DAPL1: variants seen among roughly 807,000 people sequenced by gnomAD.
DAPL1 encodes the protein death-associated protein-like 1.
A neutral mutation model predicts 12.9 loss-of-function variants in DAPL1; 17 were observed. The observed-to-expected ratio is 1.32, with a 90% confidence interval of 0.90 to 1.98. The LOEUF (loss-of-function observed/expected upper bound fraction) is 1.98. DAPL1 is among the 30% of genes most tolerant of loss of function. DAPL1 has a pLI of 0.00. For missense variants in DAPL1, 157 were observed against 125.7 expected, an observed-to-expected ratio of 1.25 and a Z score of -1.19; for synonymous variants, 51 against 42.0, an observed-to-expected ratio of 1.21 and a Z score of -0.82.
intron 3 of DAPL1, among the ~76,000 whole-genome samples, chr2:158,815,441 T>G (rs772867019): frequency 6.6e-6 from 1 of 152,238 alleles, no homozygotes; most frequent in Non-Finnish European, 1.5e-5. Context: ...AGAGAACTGA[T>G]GCAGACATAA....
At chr2:158,801,724 G>A (rs1378205302) in intron 1 of DAPL1, among the ~76,000 whole-genome samples, 2 of 152,102 alleles carry the variant, frequency 1.3e-5, no homozygotes, top group East Asian at 3.9e-4. Flanking sequence ...TGGTTGAATA[G>A]TAAAACAACA....
At chr2:158,807,138 A>G in intron 3 of DAPL1, 23 bp downstream of exon 3, 8 of 1,589,144 alleles carry the variant, frequency 5.0e-6, no homozygotes, top group Non-Finnish European at 6.0e-6. Context: ...CAAATCACAT[A>G]GCGCTCCAAG....
At chr2:158,797,275 T>C (rs1429521995) in intron 1 of DAPL1, among the ~76,000 whole-genome samples, 1 of 152,138 alleles carries the variant, frequency 6.6e-6, no homozygotes, top group Non-Finnish European at 1.5e-5. Flanking sequence ...TCTAGTAAGT[T>C]TGTTGTAATG....
At position 158,804,226 on chromosome 2, in the gene DAPL1, A is replaced by G. The variant is rs558527865; in HGVS notation, c.59-56A>G. 23 of 1,224,192 alleles carry G rather than the reference A, an allele frequency of 1.9e-5. No homozygotes were observed. The South Asian group carries it at 3.1e-4, about 17-fold the overall frequency. The allele number at this position is 1,224,192 out of a possible 1,614,324, so 75.8% of individuals were successfully genotyped here. On this transcript the variant is annotated intron_variant, in intron 1 of 3. Transcript: ENST00000309950. ...AATCTAAAGTCATACCTTTAATAAC[A>G]AAGCAAGCCTTCTCTCACTGTTCTA... is the stretch of plus-strand genomic sequence containing the variant.
intron 2 of DAPL1, 43 bp downstream of exon 2, chr2:158,804,412 A>C: frequency 7.1e-7 from 1 of 1,410,362 alleles, no homozygotes; most frequent in Non-Finnish European, 9.9e-7. Context: ...AGGAGTTTTG[A>C]GTGACTCTGC....
chr2:158,813,017 GTA>G (rs34371228), intron 3 of DAPL1, among the ~76,000 whole-genome samples: 1 of 151,272 alleles, frequency 6.6e-6, no homozygotes, highest in African/African-American at 2.4e-5. Context: ...AAAAAACGTG[GTA>G]TATATATATA....
chr2:158,809,141 A>G (rs2059217176), intron 3 of DAPL1, among the ~76,000 whole-genome samples: 1 of 151,968 alleles, frequency 6.6e-6, no homozygotes, highest in Non-Finnish European at 1.5e-5. Flanking sequence ...TGGGCGGATC[A>G]CAAGTCAGGA....
intron 3 of DAPL1, among the ~76,000 whole-genome samples, chr2:158,808,775 A>C (rs1443666589): frequency 1.3e-5 from 2 of 152,166 alleles, no homozygotes; most frequent in African/African-American, 4.8e-5. Context: ...GAATGCTCAC[A>C]GTTGTAAGTG....
chr2:158,796,872 T>A (rs1161669911), intron 1 of DAPL1, among the ~76,000 whole-genome samples: 2 of 152,170 alleles, frequency 1.3e-5, no homozygotes, highest in Non-Finnish European at 2.9e-5. Flanking sequence ...GACAATTAAT[T>A]ATTATGAACT....
At chr2:158,804,467 G>C (rs1003693211) in intron 2 of DAPL1, 98 bp downstream of exon 2, 2 of 841,764 alleles carry the variant, frequency 2.4e-6, no homozygotes, top group Non-Finnish European at 3.7e-6. Flanking sequence ...CTATGCCTTT[G>C]GAGGCAGCCA....
At chr2:158,804,024 T>A (rs147994278) in intron 1 of DAPL1, among the ~76,000 whole-genome samples, 1 of 152,198 alleles carries the variant, frequency 6.6e-6, no homozygotes, top group South Asian at 2.1e-4. Flanking sequence ...CCTCCCCAAA[T>A]CTAAGGTGTA....
intron 1 of DAPL1, among the ~76,000 whole-genome samples, chr2:158,798,625 G>A (rs1373739490): frequency 6.6e-6 from 1 of 152,112 alleles, no homozygotes; most frequent in East Asian, 1.9e-4. Flanking sequence ...GGGACTTGCC[G>A]AAAGCCACAC....
intron 1 of DAPL1, among the ~76,000 whole-genome samples, chr2:158,801,315 A>G (rs1280750487): frequency 6.6e-6 from 1 of 152,216 alleles, no homozygotes; most frequent in Non-Finnish European, 1.5e-5. Context: ...AAGGAGAATG[A>G]AAAATACTGT....
chr2:158,806,207 G>A (rs918868254), intron 2 of DAPL1, among the ~76,000 whole-genome samples: 1 of 144,016 alleles, frequency 6.9e-6, no homozygotes, highest in Non-Finnish European at 1.6e-5. Context: ...CTTCCTAATA[G>A]CTTCTACAAA....
chr2:158,797,653 G>A (rs528752976), intron 1 of DAPL1, among the ~76,000 whole-genome samples: 2 of 152,110 alleles, frequency 1.3e-5, no homozygotes, highest in Admixed American at 6.5e-5. Flanking sequence ...TTAGCCGGGC[G>A]TGGGGCATGT....
chr2:158,797,719 A>T (rs1431750165), intron 1 of DAPL1, among the ~76,000 whole-genome samples: 1 of 152,040 alleles, frequency 6.6e-6, no homozygotes, highest in Non-Finnish European at 1.5e-5. Flanking sequence ...TGAACCCAGG[A>T]GGCAGAGATT....
intron 1 of DAPL1, among the ~76,000 whole-genome samples, chr2:158,798,586 A>G (rs956674944): frequency 6.6e-6 from 1 of 152,176 alleles, no homozygotes; most frequent in Non-Finnish European, 1.5e-5. Context: ...TGTTTCACGG[A>G]AGAGTGAACG....
At chr2:158,806,039 T>C (rs981918615) in intron 2 of DAPL1, among the ~76,000 whole-genome samples, 5 of 148,256 alleles carry the variant, frequency 3.4e-5, no homozygotes, top group African/African-American at 4.9e-5. Context: ...TCCACATATA[T>C]CCCCCTCTGC....
intron 1 of DAPL1, among the ~76,000 whole-genome samples, chr2:158,797,762 G>A (rs1343130220): frequency 6.6e-6 from 1 of 151,664 alleles, no homozygotes; most frequent in Admixed American, 6.6e-5. Context: ...CTGCACTCCA[G>A]CCTGGGCAAC....
Sources: gnomAD v4.1 joint callset for allele counts (sites outside exome capture counted in the v4.1 genomes callset) on GRCh38, gnomAD v4.1.1 for gene constraint, MANE v1.5 for transcripts, NCBI Gene and HGNC (gene_info 2026-07-23, HGNC 2026-07-21) for gene names.